SLC43A1: variants seen among roughly 807,000 people sequenced by gnomAD.
The protein encoded by SLC43A1 is solute carrier family 43 member 1.
A neutral mutation model predicts 59.5 loss-of-function variants in SLC43A1; 31 were observed. That is an observed-to-expected ratio of 0.52 (90% CI 0.39 to 0.70). The LOEUF is 0.70. Among genes scored for constraint, SLC43A1 ranks in the 30% least tolerant of loss-of-function variants. The pLI is 0.00. For missense variants in SLC43A1, 598 were observed against 717.8 expected, an observed-to-expected ratio of 0.83 and a Z score of 1.91; for synonymous variants, 259 against 290.9, an observed-to-expected ratio of 0.89 and a Z score of 1.12.
Position 57,514,518 on chromosome 11 carries a change from C to T in SLC43A1, c.-13-394G>A, listed in dbSNP as rs1944632480. ...GCTCTGAAGCACCGCGGGCCCATGT[C>T]CGGACTCTCGCGCCAGGAAAGACCC... On this transcript the variant is annotated intron_variant, in intron 1 of 14. Coordinates refer to ENST00000278426, the MANE Select transcript of SLC43A1 (RefSeq NM_003627.6). This position sits in a 1 kb window ranked among gnomAD's most constrained non-coding sequence, Gnocchi z 5.5. 1.1e-5 allele frequency: 2 copies of T among 180,806 alleles called. No homozygotes were observed. The highest frequency in any genetic ancestry group is 4.8e-5 in the African/African-American group (2 of 41,976). The allele number at this position is 180,806 out of a possible 1,614,324, so 11.2% of individuals were successfully genotyped here.
At chr11:57,494,586 A>C (rs1270847265) in intron 7 of SLC43A1, 1 of 202,494 alleles carries the variant, frequency 4.9e-6, no homozygotes, top group Non-Finnish European at 9.9e-6. Flanking sequence ...AGGATGGTAT[A>C]GGGGCTAAGT....
intron 13 of SLC43A1, 143 bp from the exon 14 acceptor site, chr11:57,487,361 G>T: frequency 9.6e-7 from 1 of 1,046,952 alleles, no homozygotes; most frequent in Non-Finnish European, 1.4e-6. Flanking sequence ...GGGCTCTTTG[G>T]TCCCCAGCCT....
intron 13 of SLC43A1, among the ~76,000 whole-genome samples, chr11:57,487,939 T>C (rs1943788440): frequency 6.6e-6 from 1 of 152,126 alleles, no homozygotes; most frequent in African/African-American, 2.4e-5. Context: ...ACTGTGGCTG[T>C]GGCAGAGTGA....
At position 57,488,958 on chromosome 11, in the gene SLC43A1, C is replaced by T. The variant is rs1943821349; in HGVS notation, c.1367G>A (p.Arg456Gln). The T allele has an allele frequency of 1.2e-6, 2 of 1,614,166 alleles. No homozygotes were observed. Among genetic ancestry groups the T allele is most frequent in the African/African-American group, 1.3e-5 (1 of 75,038 alleles). Residue 456 changes from arginine (R) to glutamine (Q), a missense_variant, in exon 13 of 15, where the codon CGA (arginine) becomes CAA (glutamine). Transcript: ENST00000278426. ...FVTFVLHTIV[R>Q]GFFHSACGSL... ...CCCACAGGCTGAGTGGAAGAAACCT[C>T]GAACAATGGTGTGCAGGACAAAGGT...
At position 57,503,355 on chromosome 11, in the gene SLC43A1, A is replaced by G. The variant is rs1242847017; in HGVS notation, c.155-2026T>C. On this transcript the variant is annotated intron_variant, in intron 2 of 14. Transcript: ENST00000278426. ...CACTCTGTCTCCCAGGCTGGAGTGC[A>G]GTGGTGCAATTATAGCTCACTGCAC... Among the ~76,000 whole-genome samples the G allele has an allele frequency of 2.2e-5, 3 of 138,410 alleles. No homozygotes were observed. The East Asian group carries it at 6.6e-4, about 30-fold the overall frequency. The allele number at this position is 138,410 out of a possible 152,430, so 90.8% of individuals were successfully genotyped here. A position where few individuals can be genotyped will look rare whatever the true frequency, so the allele number is the denominator to read the frequency against.
rs746540634 is a variant in SLC43A1 at position 57,485,153 on chromosome 11, G to A, written c.1623C>T (p.Tyr541=). Residue 541 remains tyrosine (Y), a synonymous_variant, in exon 15 of 15, where the codon TAC becomes TAT. Coordinates refer to ENST00000278426, the MANE Select transcript of SLC43A1 (RefSeq NM_003627.6). ...FYYRARLQQE[Y]AANGMGPLKV... is the part of the protein sequence containing the mutation. Reference sequence around the variant, plus strand: ...TCAGTGGGCCCATCCCATTGGCGGCGTACTCCTGCTGGAGCCGGGCACGGT... The same window carrying A: ...TCAGTGGGCCCATCCCATTGGCGGCATACTCCTGCTGGAGCCGGGCACGGT... The A allele has an allele frequency of 1.4e-5, 22 of 1,614,062 alleles. No homozygotes were observed. Among genetic ancestry groups the A allele is most frequent in the South Asian group, 5.5e-5 (5 of 91,074 alleles).
At position 57,488,934 on chromosome 11, in the gene SLC43A1, C is replaced by T. The variant is rs776365398; in HGVS notation, c.1391G>A (p.Gly464Glu). ...GACTCACACTGCAGCATAGAGACTC[C>T]CACAGGCTGAGTGGAAGAAACCTCG... The part of the protein sequence containing the change: ...IVRGFFHSAC[G>E]SLYAAVFPSN... The change falls in exon 13 of 15, where the codon GGG becomes GAG. Residue 464 changes from glycine (G) to glutamate (E), a missense_variant. Gly to Glu is a moderately conservative substitution (Grantham distance 98). Transcript: ENST00000278426. 1 of 1,614,110 alleles carries T rather than the reference C, an allele frequency of 6.2e-7. No homozygotes were observed. The highest frequency in any genetic ancestry group is 8.5e-7 in the Non-Finnish European group (1 of 1,179,970).
intron 5 of SLC43A1, among the ~76,000 whole-genome samples, chr11:57,499,321 C>A (rs1944184366): frequency 1.3e-5 from 1 of 78,266 alleles, no homozygotes; most frequent in Non-Finnish European, 2.6e-5. Context: ...GAGACTCCGT[C>A]TCAACAAAAA....
intron 8 of SLC43A1, among the ~76,000 whole-genome samples, chr11:57,492,485 AT>A (rs1259258840): frequency 5.3e-5 from 7 of 131,488 alleles, no homozygotes; most frequent in Non-Finnish European, 9.3e-5. Context: ...TATATAAAAA[AT>A]AATATAATAT....
intron 2 of SLC43A1, among the ~76,000 whole-genome samples, chr11:57,504,191 C>T (rs1050605012): frequency 3.9e-5 from 6 of 152,026 alleles, no homozygotes; most frequent in East Asian, 1.9e-4. Context: ...AGCAAGACTC[C>T]GTCTCAAAAA....
intron 5 of SLC43A1, among the ~76,000 whole-genome samples, chr11:57,500,516 C>CAG (rs1441161204): frequency 2.6e-5 from 4 of 152,188 alleles, no homozygotes; most frequent in Non-Finnish European, 5.9e-5. Flanking sequence ...GGACCTAGAA[C>CAG]AGAGCTCCAT....
chr11:57,511,191 A>C (rs1189865526), intron 2 of SLC43A1, among the ~76,000 whole-genome samples: 2 of 152,138 alleles, frequency 1.3e-5, no homozygotes, highest in Non-Finnish European at 2.9e-5. Flanking sequence ...TGGGAGGCCC[A>C]GGAGGGAGGA....
intron 2 of SLC43A1, among the ~76,000 whole-genome samples, chr11:57,505,750 A>G (rs1054916534): frequency 1.3e-5 from 2 of 152,184 alleles, no homozygotes; most frequent in African/African-American, 4.8e-5. Flanking sequence ...AAAATCATGA[A>G]GGTAAACTGC....
At chr11:57,498,072 A>T (rs1944141579) in intron 5 of SLC43A1, among the ~76,000 whole-genome samples, 1 of 152,158 alleles carries the variant, frequency 6.6e-6, no homozygotes, top group South Asian at 2.1e-4. Flanking sequence ...ACATTTTGTT[A>T]ATTTTGTTTA....
intron 2 of SLC43A1, among the ~76,000 whole-genome samples, chr11:57,509,611 AAGGAAG>A (rs1944476176): frequency 8.1e-6 from 1 of 123,036 alleles, no homozygotes; most frequent in Non-Finnish European, 1.7e-5. Context: ...GGAAGGAAGG[AAGGAAG>A]GAAGGAAGGA....
In SLC43A1 at chr11:57,512,276, G is replaced by A. The variant is rs116901791; in HGVS notation, c.154+1682C>T. Among the ~76,000 whole-genome samples the A allele has an allele frequency of 8.7e-3, 1,330 of 152,176 alleles. 11 individuals are homozygous for A. The highest frequency in any genetic ancestry group is 0.028 in the South Asian group (133 of 4,812). ...TTTAAAGAAACACCACCAGCACCAG[G>A]TGGAGAAGGCAGGAAGAAGTTACAC... On this transcript the variant is annotated intron_variant, in intron 2 of 14. Transcript: ENST00000278426.
Position 57,493,998 on chromosome 11 carries a change from G to A in SLC43A1, c.866C>T (p.Pro289Leu). ...QDVRGTSENL[P>L]ERSVPLRKSL... ...CACCTTGACCAGACACTCACTCTCA[G>A]GAAGGTTTTCTGAGGTGCCCCGAAC... Residue 289 changes from proline (P) to leucine (L), a missense_variant, in exon 8 of 15, where the codon CCT becomes CTT. Pro to Leu is a moderately conservative substitution (Grantham distance 98). Transcript: ENST00000278426. 6.3e-7 allele frequency: 1 copy of A among 1,591,444 alleles called. No individual in the cohort carries two copies. Among genetic ancestry groups the A allele is most frequent in the Non-Finnish European group, 8.5e-7 (1 of 1,170,342 alleles).
chr11:57,486,959 A>G (rs1402933871), intron 14 of SLC43A1, 136 bp downstream of exon 14: 5 of 863,170 alleles, frequency 5.8e-6, no homozygotes, highest in African/African-American at 5.1e-5. Context: ...AAGGCAGACA[A>G]CTTGGAAACC....
rs151319820 is a variant in SLC43A1 at position 57,488,377 on chromosome 11, C to T, written c.1409+539G>A. ...TGAAGGAAAGAGAGCTGCCCTCTGC[C>T]GAGACCGCTGCAGTGAGGCTGAACT... On this transcript the variant is annotated intron_variant, in intron 13 of 14. Transcript: ENST00000278426. 1.1e-3 allele frequency among the ~76,000 whole-genome samples: 168 copies of T among 152,216 alleles called. 1 individual carries two copies. The highest frequency in any genetic ancestry group is 2.0e-3 in the Non-Finnish European group (136 of 68,000).
Sources: allele counts gnomAD v4.1 joint callset (sites outside exome capture counted in the v4.1 genomes callset), GRCh38; gene constraint gnomAD v4.1.1; non-coding constraint Gnocchi (gnomAD v3.1); transcripts MANE v1.5; gene names NCBI Gene and HGNC (gene_info 2026-07-23, HGNC 2026-07-21).